USP26: variants seen among roughly 807,000 people sequenced by gnomAD.
USP26 encodes ubiquitin carboxyl-terminal hydrolase 26.
For missense variants in USP26, 649 were observed against 642.3 expected, an observed-to-expected ratio of 1.01 and a Z score of -0.11; for synonymous variants, 236 against 240.6, an observed-to-expected ratio of 0.98 and a Z score of 0.18.
rs867828251 is a variant in USP26 at position 133,028,147 on chromosome X, G to T, written c.74C>A (p.Ala25Glu). 11 of 1,210,821 alleles carry T rather than the reference G, an allele frequency of 9.1e-6. No individual in the cohort carries two copies. The African/African-American group carries it at 1.6e-4, about 17-fold the overall frequency. ...CTTTCTTTCCACTGCTTCAATGAATGCTTCTTTTGACTTAGATATCCCAGT... is the reference window on the plus strand; with the variant it reads ...CTTTCTTTCCACTGCTTCAATGAATTCTTCTTTTGACTTAGATATCCCAGT... ...CKTGISKSKEAFIEAVERKKK... is the reference protein window; with the variant it reads ...CKTGISKSKEEFIEAVERKKK... The change falls in exon 6 of 6, where the codon GCA becomes GAA. Residue 25 changes from alanine (A) to glutamate (E), a missense_variant. Physicochemically the swap from Ala to Glu is moderately radical, Grantham distance 107. Transcript: ENST00000511190.
chrX:133,090,428 C>A (rs934331228), intron 3 of USP26, among the ~76,000 whole-genome samples: 1 of 112,202 alleles, frequency 8.9e-6, no homozygotes, highest in Non-Finnish European at 1.9e-5. Flanking sequence ...CAGGGAAAGA[C>A]CACATTCCAG....
At chrX:133,039,941 T>G (rs188914693) in intron 5 of USP26, among the ~76,000 whole-genome samples, 1 of 111,916 alleles carries the variant, frequency 8.9e-6, no homozygotes, top group African/African-American at 3.3e-5. Context: ...TTTACCATTA[T>G]GTAATGCCCT....
chrX:133,090,517 C>T (rs150021630), intron 3 of USP26, among the ~76,000 whole-genome samples: 3,357 of 112,354 alleles, frequency 0.03, 71 homozygotes, highest in East Asian at 0.1. Context: ...TTGGTATTCC[C>T]ATGTACTGAA....
chrX:133,028,148 C>T lies in USP26; in HGVS notation c.73G>A (p.Ala25Thr). The change falls in exon 6 of 6, where the codon GCA (alanine) becomes ACA (threonine). Residue 25 changes from alanine (A) to threonine (T), a missense_variant. Transcript: ENST00000511190. ...TTTCTTTCCACTGCTTCAATGAATGCTTCTTTTGACTTAGATATCCCAGTC... is the reference window on the plus strand; with the variant it reads ...TTTCTTTCCACTGCTTCAATGAATGTTTCTTTTGACTTAGATATCCCAGTC... ...CKTGISKSKE[A>T]FIEAVERKKK... 8.3e-7 allele frequency: 1 copy of T among 1,210,846 alleles called. No individual in the cohort carries two copies. The highest frequency in any genetic ancestry group is 1.1e-6 in the Non-Finnish European group (1 of 894,855).
intron 1 of USP26, among the ~76,000 whole-genome samples, chrX:133,092,776 T>C (rs2067612305): frequency 8.9e-6 from 1 of 111,897 alleles, no homozygotes; most frequent in Admixed American, 9.6e-5. Context: ...ATATCTTAAT[T>C]CCTGAAATCT....
Position 133,027,691 on chromosome X carries a change from T to C in USP26, c.530A>G (p.His177Arg), listed in dbSNP as rs773415283. Residue 177 changes from histidine (H) to arginine (R), a missense_variant, in exon 6 of 6, where the codon CAC (histidine) becomes CGC (arginine). Transcript: ENST00000511190. Reference sequence around the variant, plus strand: ...TGAGAGCATTCTTTTCCTCTTCTTGTGCTGATTTTCTGATAACTCTCCGCA... The same window carrying C: ...TGAGAGCATTCTTTTCCTCTTCTTGCGCTGATTTTCTGATAACTCTCCGCA... The part of the protein sequence containing the change: ...LTCGELSENQ[H>R]KKRKRMLSSS... The C allele has an allele frequency of 1.9e-5, 23 of 1,207,290 alleles. No homozygotes were observed. In the South Asian group the frequency reaches 3.4e-4, roughly 18 times the overall value.
chrX:133,057,653 C>T (rs1397057145), intron 5 of USP26, among the ~76,000 whole-genome samples: 1 of 106,351 alleles, frequency 9.4e-6, no homozygotes, highest in Non-Finnish European at 1.9e-5. Flanking sequence ...TGCTACATCC[C>T]TACAGATTTT....
intron 5 of USP26, among the ~76,000 whole-genome samples, chrX:133,069,605 T>C (rs970179825): frequency 9.0e-6 from 1 of 111,151 alleles, no homozygotes; most frequent in African/African-American, 3.3e-5. Context: ...GGAGACACAA[T>C]ATCTGAGTAA....
At chrX:133,028,431 T>A in intron 5 of USP26, 135 bp from the exon 6 acceptor site, 2 of 450,355 alleles carry the variant, frequency 4.4e-6, no homozygotes, top group Middle Eastern at 6.4e-4. Context: ...CAATGCCTTT[T>A]GAGAGCCTTC....
intron 5 of USP26, among the ~76,000 whole-genome samples, chrX:133,054,769 C>G (rs946673283): frequency 1.8e-5 from 2 of 112,114 alleles, no homozygotes; most frequent in African/African-American, 6.5e-5. Context: ...ATAATCATAG[C>G]AAACCCTGCC....
At chrX:133,056,261 A>G (rs2067474910) in intron 5 of USP26, among the ~76,000 whole-genome samples, 1 of 111,498 alleles carries the variant, frequency 9.0e-6, no homozygotes, top group Admixed American at 9.5e-5. Flanking sequence ...CCTCCTCCCC[A>G]AATATCTGAG....
chrX:133,061,080 C>A (rs1472331930), intron 5 of USP26, among the ~76,000 whole-genome samples: 2 of 111,080 alleles, frequency 1.8e-5, no homozygotes, highest in African/African-American at 6.6e-5. Flanking sequence ...ACCAATCCCC[C>A]AGAGATACCA....
rs759280886 is a variant in USP26 at position 133,079,569 on chromosome X, T to C, written c.-77+4138A>G. Among the ~76,000 whole-genome samples the C allele has an allele frequency of 3.2e-3, 361 of 111,519 alleles. 1 individual carries two copies. Among genetic ancestry groups the C allele is most frequent in the Non-Finnish European group, 5.7e-3 (305 of 53,048 alleles). On this transcript the variant is annotated intron_variant, in intron 5 of 5. Coordinates refer to ENST00000511190, the MANE Select transcript of USP26 (RefSeq NM_031907.3). ...GAAGACCAGAAGGGACAGATAAAAA[T>C]AGAAAAGACATAAACCCAGGCCTCC...
chrX:133,030,608 T>G (rs752546230), intron 5 of USP26, among the ~76,000 whole-genome samples: 1 of 112,014 alleles, frequency 8.9e-6, no homozygotes, highest in African/African-American at 3.2e-5. Flanking sequence ...TGTAATTTAA[T>G]GAAGGTTTGT....
At position 133,023,706 on chromosome X, in the gene USP26, T is replaced by C. The variant is rs1293145885; in HGVS notation, c.*1773A>G. On this transcript the variant is annotated 3_prime_UTR_variant, in exon 6 of 6. Coordinates refer to ENST00000511190, the MANE Select transcript of USP26 (RefSeq NM_031907.3). ...CTTCAGGTCTCATAAGACCTCCTTC[T>C]AGATAAACTGTGTTCTGAATACAAT... 3.6e-5 allele frequency among the ~76,000 whole-genome samples: 4 copies of C among 111,896 alleles called. No homozygotes were observed. The highest frequency in any genetic ancestry group is 7.5e-5 in the Non-Finnish European group (4 of 53,189).
At chrX:133,053,533 T>C (rs1179883218) in intron 5 of USP26, among the ~76,000 whole-genome samples, 1 of 104,942 alleles carries the variant, frequency 9.5e-6, no homozygotes, top group Non-Finnish European at 2.0e-5. Flanking sequence ...GTGAGACTCT[T>C]TTTTAAAAAA....
intron 5 of USP26, among the ~76,000 whole-genome samples, chrX:133,040,191 G>T (rs1254267613): frequency 9.0e-6 from 1 of 111,706 alleles, no homozygotes; most frequent in African/African-American, 3.3e-5. Flanking sequence ...GCCCATTTAC[G>T]TTTAAGGTTA....
intron 5 of USP26, among the ~76,000 whole-genome samples, chrX:133,051,503 C>A (rs1470487945): frequency 8.9e-6 from 1 of 111,939 alleles, no homozygotes; most frequent in South Asian, 3.8e-4. Flanking sequence ...TTGTTACTTG[C>A]AGTTGAAAGC....
chrX:133,030,502 C>T (rs1290239375), intron 5 of USP26, among the ~76,000 whole-genome samples: 1 of 112,083 alleles, frequency 8.9e-6, no homozygotes, highest in Non-Finnish European at 1.9e-5. Context: ...GCAGCCGGTG[C>T]TCTCAGGGAC....
Sources: allele counts gnomAD v4.1 joint callset (sites outside exome capture counted in the v4.1 genomes callset), GRCh38; gene constraint gnomAD v4.1.1; transcripts MANE v1.5; gene names NCBI Gene and HGNC (gene_info 2026-07-23, HGNC 2026-07-21).